Variants in ZZZ3 observed in about 807,000 individuals in gnomAD.
The protein encoded by ZZZ3 is ZZ-type zinc finger-containing protein 3.
A neutral mutation model predicts 95.2 loss-of-function variants in ZZZ3; 22 were observed. That is an observed-to-expected ratio of 0.23 (90% CI 0.17 to 0.33). The LOEUF (loss-of-function observed/expected upper bound fraction) is 0.33. Ranked by LOEUF, ZZZ3 falls within the 10% of genes least tolerant of loss-of-function variation. The pLI is 1.00. For missense variants in ZZZ3, 885 were observed against 1,066.5 expected, an observed-to-expected ratio of 0.83 and a Z score of 2.37; for synonymous variants, 335 against 358.9, an observed-to-expected ratio of 0.93 and a Z score of 0.75.
chr1:77,634,180 AAAT>A (rs1557747832), intron 4 of ZZZ3, among the ~76,000 whole-genome samples: 1 of 151,164 alleles, frequency 6.6e-6, no homozygotes, highest in Non-Finnish European at 1.5e-5. Flanking sequence ...AAAAATAAAT[AAAT>A]AAATAAATAA....
intron 1 of ZZZ3, among the ~76,000 whole-genome samples, chr1:77,661,639 C>G (rs1237539133): frequency 6.6e-6 from 1 of 152,116 alleles, no homozygotes; most frequent in Non-Finnish European, 1.5e-5. Context: ...CTACTTTTCT[C>G]TTCCATGAAA....
intron 5 of ZZZ3, chr1:77,585,205 CT>C (rs1557700003): frequency 6.6e-6 from 1 of 151,840 alleles, no homozygotes; most frequent in Admixed American, 6.6e-5. Flanking sequence ...TGTTTTTTTC[CT>C]CTGCATGAAA....
intron 12 of ZZZ3, among the ~76,000 whole-genome samples, chr1:77,575,695 TGAA>T (rs1661860327): frequency 6.6e-6 from 1 of 152,046 alleles, no homozygotes; most frequent in Admixed American, 6.6e-5. Context: ...CAAACCCAAA[TGAA>T]GAAATTAGAA....
Position 77,562,873 on chromosome 1 carries a change from C to A in ZZZ3, c.*2767G>T, listed in dbSNP as rs1034876216. On this transcript the variant is annotated 3_prime_UTR_variant, in exon 15 of 15. Transcript: ENST00000370801. ...TCAGGAAACAGGATAGTAAGGCAGA[C>A]GCTGACTCTGAAGTAATCTGCCTAG... The A allele has an allele frequency of 6.6e-6, 1 of 152,552 alleles. No homozygotes were observed. Among genetic ancestry groups the A allele is most frequent in the Non-Finnish European group, 1.5e-5 (1 of 68,040 alleles). 9.4% of individuals were successfully genotyped at this position (152,552 alleles called of 1,614,324 possible).
chr1:77,643,274 T>C (rs566154969), intron 1 of ZZZ3, among the ~76,000 whole-genome samples: 2 of 152,324 alleles, frequency 1.3e-5, no homozygotes, highest in South Asian at 4.1e-4. Flanking sequence ...GCCAAAACTC[T>C]TGTAGCCCCT....
chr1:77,581,811 T>C lies in ZZZ3; in HGVS notation c.1873A>G (p.Ser625Gly). 1 of 1,614,018 alleles carries C rather than the reference T, an allele frequency of 6.2e-7. No individual in the cohort carries two copies. The highest frequency in any genetic ancestry group is 8.5e-7 in the Non-Finnish European group (1 of 1,179,920). ...CTGCTTGAGCCTTCTGGACCATCAC[T>C]CAAAGGCAACATAGAATATGAAAGG... ...ESLSYSMLPL[S>G]DGPEGSSSRP... Residue 625 changes from serine to glycine, a missense_variant, in exon 8 of 15, where the codon AGT (serine) becomes GGT (glycine). Physicochemically the swap from Ser to Gly is moderately conservative, Grantham distance 56. Coordinates refer to ENST00000370801, the MANE Select transcript of ZZZ3 (RefSeq NM_015534.6).
rs1671738070 is a variant in ZZZ3 at position 77,671,018 on chromosome 1, TG to T, written c.-403+11566del. Among the ~76,000 whole-genome samples the T allele has an allele frequency of 2.3e-5, 3 of 131,226 alleles. No individual in the cohort carries two copies. In the Admixed American group the frequency reaches 2.4e-4, roughly 10 times the overall value. 86.1% of individuals were successfully genotyped at this position (131,226 alleles called of 152,430 possible). A position where few individuals can be genotyped will look rare whatever the true frequency, so the allele number is the denominator to read the frequency against. ...TAACACTGTTTTTTTGGGGGGGTGG[TG>T]GGGGTTGTTTTTTTTAAAAAAAAAA... On this transcript the variant is annotated intron_variant, in intron 1 of 14. Coordinates refer to ENST00000370801, the MANE Select transcript of ZZZ3 (RefSeq NM_015534.6).
chr1:77,603,222 G>A (rs1028432943), intron 5 of ZZZ3, among the ~76,000 whole-genome samples: 9 of 152,004 alleles, frequency 5.9e-5, no homozygotes, highest in Non-Finnish European at 1.2e-4. Context: ...GGGACTACAG[G>A]CGCAAGCCAC....
chr1:77,580,859 C>T, intron 9 of ZZZ3, 139 bp downstream of exon 9: 1 of 677,268 alleles, frequency 1.5e-6, no homozygotes, highest in Non-Finnish European at 2.6e-6. Context: ...CTCCTGACTT[C>T]AAGTGATCCA....
intron 12 of ZZZ3, among the ~76,000 whole-genome samples, chr1:77,571,617 T>C (rs143017995): frequency 2.2e-3 from 330 of 152,300 alleles, no homozygotes; most frequent in Admixed American, 3.6e-3. Context: ...AAAGAAATTG[T>C]GATACATGCT....
intron 5 of ZZZ3, chr1:77,584,987 G>T (rs994761338): frequency 2.5e-5 from 4 of 160,060 alleles, no homozygotes; most frequent in African/African-American, 9.6e-5. Flanking sequence ...TAATTAAAAT[G>T]ATAAAATCTT....
At chr1:77,646,743 G>GA (rs1669310586) in intron 1 of ZZZ3, among the ~76,000 whole-genome samples, 7 of 152,114 alleles carry the variant, frequency 4.6e-5, no homozygotes. Context: ...AGTGATCAAT[G>GA]AAAGAGAAAA....
intron 11 of ZZZ3, 95 bp from the exon 12 acceptor site, chr1:77,576,315 C>T (rs1275531993): frequency 8.7e-6 from 9 of 1,033,974 alleles, no homozygotes; most frequent in Non-Finnish European, 1.2e-5. Context: ...ACAAGTCTAT[C>T]AGAAGAATTT....
At chr1:77,673,647 GT>G (rs2101067013) in intron 1 of ZZZ3, among the ~76,000 whole-genome samples, 1 of 152,212 alleles carries the variant, frequency 6.6e-6, no homozygotes, top group African/African-American at 2.4e-5. Context: ...CTTGAAAGGG[GT>G]TAATAAGCAG....
Position 77,641,574 on chromosome 1 carries a change from T to C in ZZZ3, c.-321A>G, listed in dbSNP as rs1254626750. ...TGATCCCCATGCGTCTGTATTTATCTGTCATCACTGTTAATTGTCCATGTT... is the reference window on the plus strand; with the variant it reads ...TGATCCCCATGCGTCTGTATTTATCCGTCATCACTGTTAATTGTCCATGTT... On this transcript the variant is annotated 5_prime_UTR_variant, in exon 2 of 15. Coordinates refer to ENST00000370801, the MANE Select transcript of ZZZ3 (RefSeq NM_015534.6). The C allele has an allele frequency of 2.5e-6, 1 of 398,176 alleles. No homozygotes were observed. The highest frequency in any genetic ancestry group is 2.1e-5 in the African/African-American group (1 of 48,626). The allele number at this position is 398,176 out of a possible 1,614,324, so 24.7% of individuals were successfully genotyped here.
chr1:77,599,785 T>C (rs1416344117), intron 5 of ZZZ3, among the ~76,000 whole-genome samples: 1 of 152,092 alleles, frequency 6.6e-6, no homozygotes, highest in Non-Finnish European at 1.5e-5. Flanking sequence ...ATTAAATGTA[T>C]ATATATCAGA....
At chr1:77,582,162 A>G in intron 6 of ZZZ3, 36 bp from the exon 7 acceptor site, 1 of 1,555,968 alleles carries the variant, frequency 6.4e-7, no homozygotes, top group Non-Finnish European at 8.6e-7. Context: ...ATAAAGTAAA[A>G]GTCTAAATTT....
intron 5 of ZZZ3, 98 bp from the exon 6 acceptor site, chr1:77,584,753 C>CTTA (rs1662921671): frequency 2.2e-6 from 2 of 928,874 alleles, no homozygotes; most frequent in East Asian, 5.5e-5. Context: ...GTCACACAGT[C>CTTA]TTTTAAGAGT....
chr1:77,584,546 T>C lies in ZZZ3; in HGVS notation c.1615A>G (p.Ile539Val), dbSNP rs745322956. 2 of 1,612,142 alleles carry C rather than the reference T, an allele frequency of 1.2e-6. No homozygotes were observed. Among genetic ancestry groups the C allele is most frequent in the Admixed American group, 1.7e-5 (1 of 59,464 alleles). Residue 539 changes from isoleucine (I) to valine (V), a missense_variant, in exon 6 of 15, where the codon ATT (isoleucine) becomes GTT (valine). By Grantham distance (29) the Ile-to-Val change is conservative. This residue lies in a region of ZZZ3 where 556 missense variants were observed against 652.9 expected (regional missense o/e 0.85). Transcript: ENST00000370801. ...RHQREALKNP[I>V]GFVEKLQKKA... Reference sequence around the variant, plus strand: ...TTCTGGAGTTTTTCCACAAATCCAATGGGATTTTTCAGTGCTTCTCTCTGG... The same window carrying C: ...TTCTGGAGTTTTTCCACAAATCCAACGGGATTTTTCAGTGCTTCTCTCTGG...
Sources: allele counts gnomAD v4.1 joint callset (sites outside exome capture counted in the v4.1 genomes callset), GRCh38; gene constraint gnomAD v4.1.1; regional missense constraint gnomAD v4.1.1; transcripts MANE v1.5; gene names NCBI Gene and HGNC (gene_info 2026-07-23, HGNC 2026-07-21).